GLDC: variants seen among roughly 807,000 people sequenced by gnomAD.
GLDC encodes the protein glycine dehydrogenase (decarboxylating), mitochondrial.
A neutral mutation model predicts 121.3 loss-of-function variants in GLDC; 104 were observed. That is an observed-to-expected ratio of 0.86 (90% CI 0.73 to 1.01). GLDC has a LOEUF of 1.01. GLDC is among the 50% of genes least tolerant of loss of function. GLDC has a pLI of 0.00. For synonymous variants in GLDC, 546 were observed against 480.6 expected, an observed-to-expected ratio of 1.14 and a Z score of -1.78; for missense variants, 1,429 against 1,306.6, an observed-to-expected ratio of 1.09 and a Z score of -1.44.
At chr9:6,560,753 G>A (rs1279124062) in intron 16 of GLDC, among the ~76,000 whole-genome samples, 5 of 152,154 alleles carry the variant, frequency 3.3e-5, no homozygotes, top group Admixed American at 2.6e-4. Context: ...ACTGAATAAC[G>A]GGCTCCCAAA....
chr9:6,625,476 C>T (rs1819215981), intron 2 of GLDC, among the ~76,000 whole-genome samples: 1 of 152,108 alleles, frequency 6.6e-6, no homozygotes, highest in Non-Finnish European at 1.5e-5. Flanking sequence ...TTACTGAAAC[C>T]AACAGTCCTC....
intron 14 of GLDC, 25 bp from the exon 15 acceptor site, chr9:6,587,308 C>T (rs2129832251): frequency 6.5e-7 from 1 of 1,532,624 alleles, no homozygotes; most frequent in Non-Finnish European, 9.0e-7. Context: ...AACAAAAATG[C>T]ATATATACAT....
intron 8 of GLDC, among the ~76,000 whole-genome samples, chr9:6,601,061 T>G (rs1818599713): frequency 1.3e-5 from 2 of 151,996 alleles, no homozygotes; most frequent in African/African-American, 2.4e-5. Flanking sequence ...TAATCCCAGT[T>G]ACTCAGGAGG....
intron 15 of GLDC, among the ~76,000 whole-genome samples, chr9:6,577,309 T>C (rs1455765922): frequency 1.3e-5 from 2 of 152,204 alleles, no homozygotes; most frequent in Admixed American, 1.3e-4. Context: ...CTGGGTGCCC[T>C]GGGAGACTAC....
At chr9:6,563,576 G>A (rs1376009053) in intron 16 of GLDC, among the ~76,000 whole-genome samples, 1 of 152,176 alleles carries the variant, frequency 6.6e-6, no homozygotes, top group Admixed American at 6.5e-5. Context: ...TTTACTGGCT[G>A]GACACCTGGA....
Position 6,625,520 on chromosome 9 carries a change from G to C in GLDC, c.335-5201C>G, listed in dbSNP as rs141517436. Among the ~76,000 whole-genome samples, 824 of 152,278 alleles carry C rather than the reference G, an allele frequency of 5.4e-3. 7 individuals are homozygous for C. Among genetic ancestry groups the C allele is most frequent in the Non-Finnish European group, 9.6e-3 (652 of 68,024 alleles). On this transcript the variant is annotated intron_variant, in intron 2 of 24. Transcript: ENST00000321612. ...TGAAACCGCTAAGGTAATTCTTCCA[G>C]TGCAGGACTCTCCTTCCTCATACCC... is the stretch of plus-strand genomic sequence containing the variant.
chr9:6,611,340 G>A (rs6477099), intron 3 of GLDC, among the ~76,000 whole-genome samples: 59,481 of 151,986 alleles, frequency 0.39, 13,897 homozygotes, highest in African/African-American at 0.66. Flanking sequence ...GGCGGATCAC[G>A]AGGTCAGGAG....
chr9:6,553,463 G>C lies in GLDC; in HGVS notation c.2362C>G (p.Leu788Val), dbSNP rs139300551. 4.3e-6 allele frequency: 7 copies of C among 1,613,924 alleles called. No individual in the cohort carries two copies. The African/African-American group carries it at 8.0e-5, about 18-fold the overall frequency. Residue 788 changes from leucine (L) to valine (V), a missense_variant, in exon 20 of 25, where the codon CTA becomes GTA. Leu to Val is a conservative substitution (Grantham distance 32). Transcript: ENST00000321612. ...PFLPNHPVIS[L>V]KRNEDACPVG... ...GGACAGGCATCCTCATTCCGCTTTA[G>C]TGAAATGACGGGATGATTGGGCAAA...
In GLDC at chr9:6,532,918, C is replaced by G. The variant is rs1817031006; in HGVS notation, c.*99G>C. 1.2e-5 allele frequency: 10 copies of G among 857,738 alleles called. No homozygotes were observed. Among genetic ancestry groups the G allele is most frequent in the South Asian group, 5.3e-5 (4 of 75,306 alleles). The allele number at this position is 857,738 out of a possible 1,614,324, so 53.1% of individuals were successfully genotyped here. On this transcript the variant is annotated 3_prime_UTR_variant, in exon 25 of 25. Coordinates refer to ENST00000321612, the MANE Select transcript of GLDC (RefSeq NM_000170.3). ...ACAGAGATATACACAGTATATAAAACTCCTACTTGAGGCTGGGGTGGGAGA... is the reference window on the plus strand; with the variant it reads ...ACAGAGATATACACAGTATATAAAAGTCCTACTTGAGGCTGGGGTGGGAGA...
intron 21 of GLDC, among the ~76,000 whole-genome samples, chr9:6,549,859 G>A (rs139996309): frequency 2.8e-4 from 43 of 152,066 alleles, no homozygotes; most frequent in Non-Finnish European, 4.7e-4. Context: ...TGATTGTAAC[G>A]GTCTCTTCAT....
intron 11 of GLDC, among the ~76,000 whole-genome samples, chr9:6,591,515 T>G (rs957607266): frequency 5.3e-5 from 8 of 152,206 alleles, no homozygotes; most frequent in African/African-American, 1.7e-4. Flanking sequence ...TAAATGAATA[T>G]CATAATTTTC....
At chr9:6,543,415 G>A (rs556542070) in intron 21 of GLDC, among the ~76,000 whole-genome samples, 1 of 152,104 alleles carries the variant, frequency 6.6e-6, no homozygotes, top group African/African-American at 2.4e-5. Flanking sequence ...TGCTGGCAGC[G>A]CAAGAGGAGA....
intron 2 of GLDC, among the ~76,000 whole-genome samples, chr9:6,626,841 C>G (rs139874906): frequency 6.6e-6 from 1 of 152,284 alleles, no homozygotes; most frequent in Non-Finnish European, 1.5e-5. Flanking sequence ...ATGCCCTGCC[C>G]CATGTCCTCA....
At chr9:6,622,202 A>G (rs1819114502) in intron 2 of GLDC, among the ~76,000 whole-genome samples, 1 of 144,890 alleles carries the variant, frequency 6.9e-6, no homozygotes, top group Non-Finnish European at 1.5e-5. Flanking sequence ...TCCGCACTCC[A>G]CATGCTTTCC....
intron 15 of GLDC, among the ~76,000 whole-genome samples, chr9:6,582,386 G>GT: frequency 6.7e-5 from 10 of 148,526 alleles, no homozygotes; most frequent in African/African-American, 2.2e-4. Context: ...CCGGCCACGG[G>GT]GGCAGGCACC....
intron 15 of GLDC, among the ~76,000 whole-genome samples, chr9:6,568,180 A>G (rs1817887646): frequency 6.6e-6 from 1 of 152,132 alleles, no homozygotes; most frequent in South Asian, 2.1e-4. Flanking sequence ...CTTGATCAGA[A>G]ATGCTGGATT....
chr9:6,593,599 G>C (rs779945720), intron 9 of GLDC, among the ~76,000 whole-genome samples: 1 of 151,804 alleles, frequency 6.6e-6, no homozygotes, highest in Non-Finnish European at 1.5e-5. Flanking sequence ...ACCACACCTG[G>C]TCTCATCTAT....
In GLDC at chr9:6,644,029, C is replaced by CAAAAAAAAAAAA. The variant is rs531081758; in HGVS notation, c.334+573_334+584dup. ...AGCCTGGGCGACAGAGATTCTGTCTCAAAAAAAAAAAAAAAAAAAAACGAA... is the reference window on the plus strand; with the variant it reads ...AGCCTGGGCGACAGAGATTCTGTCTCAAAAAAAAAAAAAAAAAAAAAAAAAAAAAAAAACGAA... On this transcript the variant is annotated intron_variant, in intron 2 of 24. Transcript: ENST00000321612. 5.6e-3 allele frequency among the ~76,000 whole-genome samples: 103 copies of CAAAAAAAAAAAA among 18,318 alleles called. 10 individuals are homozygous for CAAAAAAAAAAAA. Among genetic ancestry groups the CAAAAAAAAAAAA allele is most frequent in the Admixed American group, 9.1e-3 (11 of 1,208 alleles). The allele number at this position is 18,318 out of a possible 152,430, so 12.0% of individuals were successfully genotyped here. A position where few individuals can be genotyped will look rare whatever the true frequency, so the allele number is the denominator to read the frequency against.
intron 15 of GLDC, among the ~76,000 whole-genome samples, chr9:6,576,426 C>T (rs980317242): frequency 7.2e-5 from 11 of 152,084 alleles, no homozygotes; most frequent in Admixed American, 2.6e-4. Context: ...AAGCTCCCAC[C>T]TCCTAATGCC....
Sources: allele counts gnomAD v4.1 joint callset (sites outside exome capture counted in the v4.1 genomes callset), GRCh38; gene constraint gnomAD v4.1.1; transcripts MANE v1.5; gene names NCBI Gene and HGNC (gene_info 2026-07-23, HGNC 2026-07-21).